The following NPR2 variants were observed in gnomAD, a reference collection of about 807,000 sequenced individuals.
NPR2 encodes natriuretic peptide receptor 2, also known as atrial natriuretic peptide receptor 2.
NPR2 carries 49 observed loss-of-function variants against 120.7 expected under a neutral mutation model. The ratio of observed to expected loss-of-function variants is 0.41; its 90% confidence interval spans 0.32 to 0.52. The LOEUF (loss-of-function observed/expected upper bound fraction) is 0.52. NPR2 is among the 20% of genes least tolerant of loss of function. NPR2 has a pLI of 0.36. For synonymous variants in NPR2, 484 were observed against 519.8 expected, an observed-to-expected ratio of 0.93 and a Z score of 0.94; for missense variants, 931 against 1,362.9, an observed-to-expected ratio of 0.68 and a Z score of 4.99.
At chr9:35,799,459 CAGAG>C (rs1216205780) in intron 2 of NPR2, among the ~76,000 whole-genome samples, 155 bp from the exon 3 acceptor site, 16 of 151,580 alleles carry the variant, frequency 1.1e-4, no homozygotes, top group African/African-American at 3.2e-4. Flanking sequence ...CACACACACG[CAGAG>C]AGAGAGAGGT....
Position 35,809,044 on chromosome 9 carries a change from G to A in NPR2, c.2987-112G>A, listed in dbSNP as rs572633161. The A allele has an allele frequency of 2.7e-6, 3 of 1,131,030 alleles. No individual in the cohort carries two copies. Among genetic ancestry groups the A allele is most frequent in the African/African-American group, 1.5e-5 (1 of 65,726 alleles). The allele number at this position is 1,131,030 out of a possible 1,614,324, so 70.1% of individuals were successfully genotyped here. On this transcript the variant is annotated intron_variant, in intron 20 of 21. Transcript: ENST00000342694. This position sits in a 1 kb window ranked among gnomAD's most constrained non-coding sequence, Gnocchi z 4.1. The stretch of plus-strand genomic sequence containing the variant: ...TTTGGTCCTAATAGATATGCATTGG[G>A]AGCTTCCCAGGGATGGTTGGTCGGG...
At position 35,808,169 on chromosome 9, in the gene NPR2, C is replaced by T; in HGVS notation, c.2713-340C>T. On this transcript the variant is annotated intron_variant, in intron 18 of 21. Transcript: ENST00000342694. This position sits in a 1 kb window ranked among gnomAD's most constrained non-coding sequence, Gnocchi z 4.0. Reference sequence around the variant, plus strand: ...GTCCATTTCACTGGGCCTGCTTTACCTCCTCACCAGCCTCTGTCCTCTTGA... The same window carrying T: ...GTCCATTTCACTGGGCCTGCTTTACTTCCTCACCAGCCTCTGTCCTCTTGA... 13 of 1,611,630 alleles carry T rather than the reference C, an allele frequency of 8.1e-6. No individual in the cohort carries two copies. The highest frequency in any genetic ancestry group is 9.3e-6 in the Non-Finnish European group (11 of 1,177,750).
chr9:35,806,043 C>A lies in NPR2; in HGVS notation c.2204-22C>A, dbSNP rs1220169152. On this transcript the variant is annotated intron_variant, in intron 14 of 21. Transcript: ENST00000342694. This position sits in a 1 kb window ranked among gnomAD's most constrained non-coding sequence, Gnocchi z 4.6. ...TTCCTGGGGGAACTCTGTTCTTCAT[C>A]CAAACCTTTGATCACCCTCAGAGAT... The A allele has an allele frequency of 1.2e-6, 2 of 1,614,020 alleles. No individual in the cohort carries two copies. Among genetic ancestry groups the A allele is most frequent in the Non-Finnish European group, 1.7e-6 (2 of 1,180,040 alleles).
At position 35,802,448 on chromosome 9, in the gene NPR2, T is replaced by A. The variant is rs901329917; in HGVS notation, c.1711-55T>A. The A allele has an allele frequency of 8.5e-5, 92 of 1,084,706 alleles. No homozygotes were observed. Among genetic ancestry groups the A allele is most frequent in the Non-Finnish European group, 1.2e-4 (86 of 696,818 alleles). 67.2% of individuals were successfully genotyped at this position (1,084,706 alleles called of 1,614,324 possible). A position where few individuals can be genotyped will look rare whatever the true frequency, so the allele number is the denominator to read the frequency against. ...TCTTATGTAGTGGTAAGTTTCTGTA[T>A]CTAATTTTTAACTCTTTCAATTTTC... On this transcript the variant is annotated intron_variant, in intron 10 of 21. Coordinates refer to ENST00000342694, the MANE Select transcript of NPR2 (RefSeq NM_003995.4). This position sits in a 1 kb window ranked among gnomAD's most constrained non-coding sequence, Gnocchi z 4.2.
intron 12 of NPR2, among the ~76,000 whole-genome samples, chr9:35,804,771 C>G: frequency 6.8e-6 from 1 of 147,756 alleles, no homozygotes; most frequent in Non-Finnish European, 1.5e-5. Flanking sequence ...ACCTGCCCAC[C>G]TCCCTCTAGT....
rs1481530602 is a variant in NPR2 at position 35,809,072 on chromosome 9, C to T, written c.2987-84C>T. The T allele has an allele frequency of 5.5e-5, 72 of 1,314,128 alleles. No individual in the cohort carries two copies. The East Asian group carries it at 1.1e-3, about 21-fold the overall frequency. 81.4% of individuals were successfully genotyped at this position (1,314,128 alleles called of 1,614,324 possible). On this transcript the variant is annotated intron_variant, in intron 20 of 21. Transcript: ENST00000342694. The surrounding 1 kb of genome is among the most constrained non-coding windows in gnomAD (Gnocchi z 4.1). ...CTTCCCAGGGATGGTTGGTCGGGCACGGTGCTATACAGTATCACCAATTAT... is the reference window on the plus strand; with the variant it reads ...CTTCCCAGGGATGGTTGGTCGGGCATGGTGCTATACAGTATCACCAATTAT...
rs564720751 is a variant in NPR2, at chr9:35,792,609, C to T, written c.201C>T (p.Val67=). The T allele has an allele frequency of 2.0e-5, 32 of 1,613,790 alleles. No homozygotes were observed. The South Asian group carries it at 3.0e-4, about 15-fold the overall frequency. ...CACTGCCCGTGGACCTGCGGTTTGT[C>T]AGCTCCGAACTGGAAGGCGCCTGCT... ...GRALPVDLRF[V]SSELEGACSE... Residue 67 remains valine (V), a synonymous_variant, in exon 1 of 22, where the codon GTC becomes GTT. Coordinates refer to ENST00000342694, the MANE Select transcript of NPR2 (RefSeq NM_003995.4).
Position 35,808,218 on chromosome 9 carries a change from TTCC to T in NPR2, c.2713-289_2713-287del, listed in dbSNP as rs774853310. 12 of 1,614,050 alleles carry T rather than the reference TTCC, an allele frequency of 7.4e-6. No homozygotes were observed. In the African/African-American group the frequency reaches 1.6e-4, roughly 22 times the overall value. On this transcript the variant is annotated intron_variant, in intron 18 of 21. Coordinates refer to ENST00000342694, the MANE Select transcript of NPR2 (RefSeq NM_003995.4). The surrounding 1 kb of genome is among the most constrained non-coding windows in gnomAD (Gnocchi z 4.0). ...GAGTTACCGTTTTCTTGCTTCCCAT[TTCC>T]TGATGGCAGAGCCTATTTGTCCATG...
Position 35,808,547 on chromosome 9 carries a change from C to A in NPR2, c.2751C>A (p.Gly917=), listed in dbSNP as rs769164963. The change falls in exon 19 of 22, where the codon GGC becomes GGA. Residue 917 remains glycine (G), a synonymous_variant. Transcript: ENST00000342694. This position sits in a 1 kb window ranked among gnomAD's most constrained non-coding sequence, Gnocchi z 4.0. The stretch of plus-strand genomic sequence containing the variant: ...GGGATGCTTACATGGTGGTATCTGG[C>A]CTCCCAGGCCGAAATGGTCAACGCC... ...TIGDAYMVVS[G]LPGRNGQRHA... The A allele has an allele frequency of 1.1e-5, 18 of 1,614,130 alleles. No individual in the cohort carries two copies. The highest frequency in any genetic ancestry group is 1.5e-5 in the Non-Finnish European group (18 of 1,180,034).
intron 1 of NPR2, 123 bp from the exon 2 acceptor site, chr9:35,793,775 G>A: frequency 1.0e-6 from 1 of 963,700 alleles, no homozygotes; most frequent in East Asian, 2.4e-5. Flanking sequence ...CTGCTTTGGG[G>A]TTGATAGGTT....
rs1563991870 is a variant in NPR2, at chr9:35,806,777, T to A, written c.2519+239T>A. 6.6e-6 allele frequency among the ~76,000 whole-genome samples: 1 copy of A among 152,118 alleles called. No individual in the cohort carries two copies. Among genetic ancestry groups the A allele is most frequent in the Non-Finnish European group, 1.5e-5 (1 of 68,024 alleles). On this transcript the variant is annotated intron_variant, in intron 16 of 21. Transcript: ENST00000342694. The surrounding 1 kb of genome is among the most constrained non-coding windows in gnomAD (Gnocchi z 4.6). ...TCTACCACACCCTTGCTTCAGCAAG[T>A]GTATGTAAAACAGTCCCAACTTGAG...
At position 35,801,783 on chromosome 9, in the gene NPR2, G is replaced by T; in HGVS notation, c.1557+20G>T. On this transcript the variant is annotated intron_variant, in intron 8 of 21. Coordinates refer to ENST00000342694, the MANE Select transcript of NPR2 (RefSeq NM_003995.4). ...TCGCTGGTGAGCCCTTGTCTCAGCT[G>T]TTCCTCTGCCTCCCTCTGAGTTCCT... 6.2e-7 allele frequency: 1 copy of T among 1,614,166 alleles called. No homozygotes were observed. Among genetic ancestry groups the T allele is most frequent in the Non-Finnish European group, 8.5e-7 (1 of 1,180,030 alleles).
intron 2 of NPR2, among the ~76,000 whole-genome samples, chr9:35,794,435 G>A (rs557286332): frequency 2.0e-5 from 3 of 152,220 alleles, no homozygotes; most frequent in Non-Finnish European, 4.4e-5. Flanking sequence ...ACCCTTTATG[G>A]AGAGGTGAGG....
In NPR2 at chr9:35,807,416, T is replaced by C. The variant is rs1828458895; in HGVS notation, c.2712+18T>C. 7.0e-7 allele frequency: 1 copy of C among 1,436,948 alleles called. No homozygotes were observed. Among genetic ancestry groups the C allele is most frequent in the Non-Finnish European group, 9.7e-7 (1 of 1,030,438 alleles). 89.0% of individuals were successfully genotyped at this position (1,436,948 alleles called of 1,614,324 possible). On this transcript the variant is annotated intron_variant, in intron 18 of 21. Transcript: ENST00000342694. ...TCTACAAGGTGAGAGCTGGGGCCGC[T>C]GTTCAATAGAAGACCCTTTAATAGA...
rs1827807312 is a variant in NPR2, at chr9:35,792,334, G to C, written c.-75G>C. 4.7e-6 allele frequency: 7 copies of C among 1,488,170 alleles called. No individual in the cohort carries two copies. The East Asian group carries it at 1.2e-4, about 25-fold the overall frequency. The allele number at this position is 1,488,170 out of a possible 1,614,324, so 92.2% of individuals were successfully genotyped here. On this transcript the variant is annotated 5_prime_UTR_variant, in exon 1 of 22. Coordinates refer to ENST00000342694, the MANE Select transcript of NPR2 (RefSeq NM_003995.4). ...GCCCTCTTCCCCAGGCTCCAGGCTG[G>C]GGGGTGCTCGCGTCTCCCCTGTAGG...
At position 35,806,320 on chromosome 9, in the gene NPR2, G is replaced by T. The variant is rs1828382232; in HGVS notation, c.2373-72G>T. The T allele has an allele frequency of 1.2e-6, 2 of 1,609,444 alleles. No individual in the cohort carries two copies. Among genetic ancestry groups the T allele is most frequent in the Non-Finnish European group, 1.7e-6 (2 of 1,175,976 alleles). On this transcript the variant is annotated intron_variant, in intron 15 of 21. Coordinates refer to ENST00000342694, the MANE Select transcript of NPR2 (RefSeq NM_003995.4). The surrounding 1 kb of genome is among the most constrained non-coding windows in gnomAD (Gnocchi z 4.6). ...TGAAGTGGGGCAGGTGGGACCAGAGGGTGGGTTGGATAGGAAGTCCTGGGA... is the reference window on the plus strand; with the variant it reads ...TGAAGTGGGGCAGGTGGGACCAGAGTGTGGGTTGGATAGGAAGTCCTGGGA...
In NPR2 at chr9:35,802,329, G is replaced by A. The variant is rs746163385; in HGVS notation, c.1710+46G>A. On this transcript the variant is annotated intron_variant, in intron 10 of 21. Transcript: ENST00000342694. The surrounding 1 kb of genome is among the most constrained non-coding windows in gnomAD (Gnocchi z 4.2). ...TCTAACATGTATGTAATGGAGGAGTGGGGAAAACTATGAAATAGTAAAATT... is the reference window on the plus strand; with the variant it reads ...TCTAACATGTATGTAATGGAGGAGTAGGGAAAACTATGAAATAGTAAAATT... The A allele has an allele frequency of 8.3e-7, 1 of 1,199,040 alleles. No individual in the cohort carries two copies. Among genetic ancestry groups the A allele is most frequent in the Admixed American group, 1.7e-5 (1 of 59,504 alleles). 74.3% of individuals were successfully genotyped at this position (1,199,040 alleles called of 1,614,324 possible). A position where few individuals can be genotyped will look rare whatever the true frequency, so the allele number is the denominator to read the frequency against.
chr9:35,791,603 C>T lies in NPR2; in HGVS notation c.-806C>T, dbSNP rs1170857666. Among the ~76,000 whole-genome samples, 1 of 130,440 alleles carries T rather than the reference C, an allele frequency of 7.7e-6. No homozygotes were observed. Among genetic ancestry groups the T allele is most frequent in the Non-Finnish European group, 1.6e-5 (1 of 62,478 alleles). 85.6% of individuals were successfully genotyped at this position (130,440 alleles called of 152,430 possible). On this transcript the variant is annotated 5_prime_UTR_variant, in exon 1 of 22. Transcript: ENST00000342694. The stretch of plus-strand genomic sequence containing the variant: ...GCGGCCTGCCCGGGGGAGTCGCACT[C>T]GGCCGCCGGCGCAGCGAGCGGAGAC...
In NPR2 at chr9:35,807,376, T is replaced by C; in HGVS notation, c.2690T>C (p.Ile897Thr). The C allele has an allele frequency of 6.2e-7, 1 of 1,612,156 alleles. No individual in the cohort carries two copies. Among genetic ancestry groups the C allele is most frequent in the Non-Finnish European group, 8.5e-7 (1 of 1,179,068 alleles). ...CTGTATACCTGCTTTGATGCCATAATTGACAACTTTGATGTCTACAAGGTG... is the reference window on the plus strand; with the variant it reads ...CTGTATACCTGCTTTGATGCCATAACTGACAACTTTGATGTCTACAAGGTG... ...NDLYTCFDAI[I>T]DNFDVYKVET... Residue 897 changes from isoleucine to threonine, a missense_variant, in exon 18 of 22, where the codon ATT (isoleucine) becomes ACT (threonine). Transcript: ENST00000342694.
Sources: gnomAD v4.1 joint callset for allele counts (sites outside exome capture counted in the v4.1 genomes callset) on GRCh38, gnomAD v4.1.1 for gene constraint, Gnocchi (gnomAD v3.1) non-coding constraint, MANE v1.5 for transcripts, NCBI Gene and HGNC (gene_info 2026-07-23, HGNC 2026-07-21) for gene names.